The following PRKG1 variants were observed in gnomAD, a reference collection of about 807,000 sequenced individuals.
PRKG1 encodes the protein protein kinase cGMP-dependent 1.
In PRKG1, 35 loss-of-function variants were observed where a neutral mutation model predicts 88.1. The observed-to-expected ratio is 0.40, with a 90% CI of 0.30 to 0.53. The LOEUF (loss-of-function observed/expected upper bound fraction) is 0.53. Among genes scored for constraint, PRKG1 ranks in the 20% least tolerant of loss-of-function variants. The pLI is 0.59. For missense variants in PRKG1, 540 were observed against 839.8 expected (o/e 0.64, Z 4.41); for synonymous variants, 303 against 292.5 (o/e 1.04, Z -0.37).
chr10:51,426,248 T>C (rs1838580236), intron 2 of PRKG1, among the ~76,000 whole-genome samples: 1 of 152,044 alleles, frequency 6.6e-6, no homozygotes. Context: ...GCGACTGTAC[T>C]CCAGCCTGGG....
intron 2 of PRKG1, among the ~76,000 whole-genome samples, chr10:51,366,816 A>G (rs1416942527): frequency 6.6e-6 from 1 of 151,920 alleles, no homozygotes; most frequent in African/African-American, 2.4e-5. Context: ...GTCTCTCATT[A>G]TTTTAACAGA....
At chr10:51,145,648 T>C (rs1845927166) in intron 1 of PRKG1, among the ~76,000 whole-genome samples, 1 of 152,146 alleles carries the variant, frequency 6.6e-6, no homozygotes, top group Admixed American at 6.5e-5. Context: ...ATGACTTGAA[T>C]AGTTGAATGG....
chr10:51,612,114 A>AT (rs1838925598), intron 3 of PRKG1, among the ~76,000 whole-genome samples: 1 of 152,066 alleles, frequency 6.6e-6, no homozygotes, highest in African/African-American at 2.4e-5. Flanking sequence ...TGCTTTGGCA[A>AT]TTCTGGCTCT....
chr10:51,025,722 A>G (rs972838294), intron 1 of PRKG1, among the ~76,000 whole-genome samples: 3 of 152,274 alleles, frequency 2.0e-5, no homozygotes, highest in Middle Eastern at 3.4e-3. Flanking sequence ...TTCCAGGCAT[A>G]GCTTTAGACT....
chr10:51,860,324 A>G (rs1392992617), intron 4 of PRKG1, among the ~76,000 whole-genome samples: 2 of 152,226 alleles, frequency 1.3e-5, no homozygotes, highest in South Asian at 2.1e-4. Flanking sequence ...TCTTCAAGCT[A>G]GGATCCAGCC....
At chr10:51,536,278 C>T (rs1012026060) in intron 3 of PRKG1, among the ~76,000 whole-genome samples, 1 of 152,146 alleles carries the variant, frequency 6.6e-6, no homozygotes, top group African/African-American at 2.4e-5. Context: ...TTTTGACTTA[C>T]ATTTCCATGA....
Position 51,262,262 on chromosome 10 carries a change from A to G in PRKG1, c.478+108932A>G, listed in dbSNP as rs1839732091. Among the ~76,000 whole-genome samples the G allele has an allele frequency of 2.6e-5, 4 of 152,218 alleles. No homozygotes were observed. In the South Asian group the frequency reaches 8.3e-4, roughly 32 times the overall value. ...TAATGTGAAATATTCTGATTTCTAT[A>G]TGCTATGGACTAATTAAATTTTTAA... On this transcript the variant is annotated intron_variant, in intron 2 of 17. Transcript: ENST00000373980.
intron 5 of PRKG1, among the ~76,000 whole-genome samples, chr10:52,031,162 A>G (rs1346457130): frequency 6.6e-6 from 1 of 152,212 alleles, no homozygotes; most frequent in Non-Finnish European, 1.5e-5. Context: ...GGGAAGATTT[A>G]TTCCAACGCT....
chr10:51,583,563 C>G (rs556399844), intron 3 of PRKG1, among the ~76,000 whole-genome samples: 25 of 152,182 alleles, frequency 1.6e-4, no homozygotes, highest in African/African-American at 5.8e-4. Flanking sequence ...ATTCCCTTTT[C>G]TCTATCTACA....
intron 5 of PRKG1, among the ~76,000 whole-genome samples, chr10:51,932,197 G>T (rs112526074): frequency 0.049 from 6,562 of 133,478 alleles, 467 homozygotes; most frequent in African/African-American, 0.16. Flanking sequence ...TTGGTTTGGT[G>T]TTTTTTTTTT....
intron 6 of PRKG1, among the ~76,000 whole-genome samples, chr10:52,059,884 T>C (rs1846196579): frequency 6.6e-6 from 1 of 151,946 alleles, no homozygotes; most frequent in South Asian, 2.1e-4. Flanking sequence ...AAAAATCAAG[T>C]ATCTAGGCAT....
intron 3 of PRKG1, among the ~76,000 whole-genome samples, chr10:51,527,670 C>T (rs979224096): frequency 6.6e-6 from 1 of 152,154 alleles, no homozygotes; most frequent in Non-Finnish European, 1.5e-5. Flanking sequence ...AATTTTCTAG[C>T]GCTTTAAAGT....
intron 2 of PRKG1, among the ~76,000 whole-genome samples, chr10:51,355,914 G>C (rs1842356245): frequency 6.6e-6 from 1 of 152,004 alleles, no homozygotes; most frequent in African/African-American, 2.4e-5. Context: ...TTTTCACAGA[G>C]TATTGCAGAT....
At chr10:51,922,176 A>G (rs1842476473) in intron 5 of PRKG1, among the ~76,000 whole-genome samples, 1 of 151,760 alleles carries the variant, frequency 6.6e-6, no homozygotes, top group South Asian at 2.1e-4. Context: ...TCTAAATTAT[A>G]AACAATTTAG....
At chr10:52,146,775 CT>C (rs1339501936) in intron 8 of PRKG1, among the ~76,000 whole-genome samples, 3 of 152,072 alleles carry the variant, frequency 2.0e-5, no homozygotes, top group African/African-American at 7.2e-5. Context: ...AACTTTACCC[CT>C]GTTTTAGAAA....
chr10:52,183,431 A>T lies in PRKG1; in HGVS notation c.1076+21468A>T, dbSNP rs532027802. Among the ~76,000 whole-genome samples, 19 of 152,250 alleles carry T rather than the reference A, an allele frequency of 1.2e-4. No individual in the cohort carries two copies. In the South Asian group the frequency reaches 3.9e-3, roughly 32 times the overall value. Reference sequence around the variant, plus strand: ...ACAAGGAGACCTCTCCCATTTGGGGAAGGGCCACAGCATTTTGGCTGTCTC... The same window carrying T: ...ACAAGGAGACCTCTCCCATTTGGGGTAGGGCCACAGCATTTTGGCTGTCTC... On this transcript the variant is annotated intron_variant, in intron 9 of 17. Coordinates refer to ENST00000373980, the MANE Select transcript of PRKG1 (RefSeq NM_006258.4).
At chr10:52,025,058 A>G (rs1028831810) in intron 5 of PRKG1, among the ~76,000 whole-genome samples, 4 of 152,208 alleles carry the variant, frequency 2.6e-5, no homozygotes, top group African/African-American at 9.6e-5. Context: ...TGTGGTTTTG[A>G]TTTCCATTTC....
chr10:52,151,134 G>A (rs1459668494), intron 8 of PRKG1, among the ~76,000 whole-genome samples: 1 of 152,098 alleles, frequency 6.6e-6, no homozygotes, highest in Non-Finnish European at 1.5e-5. Context: ...TGTTATATAG[G>A]TAAACTTGTG....
At chr10:52,106,898 G>T (rs374931739) in intron 7 of PRKG1, among the ~76,000 whole-genome samples, 1 of 151,974 alleles carries the variant, frequency 6.6e-6, no homozygotes. Flanking sequence ...TATATTTTCA[G>T]ATAAATTATT....
Sources: gnomAD v4.1 joint callset for allele counts (sites outside exome capture counted in the v4.1 genomes callset) on GRCh38, gnomAD v4.1.1 for gene constraint, MANE v1.5 for transcripts, NCBI Gene and HGNC (gene_info 2026-07-23, HGNC 2026-07-21) for gene names.